The following CEP83 variants were observed in gnomAD, a reference collection of about 807,000 sequenced individuals.
CEP83 encodes the protein centrosomal protein of 83 kDa.
A neutral mutation model predicts 101.9 loss-of-function variants in CEP83; 70 were observed. That is an observed-to-expected ratio of 0.69 (90% confidence interval 0.57 to 0.84). The LOEUF is 0.84. Among genes scored for constraint, CEP83 ranks in the 40% least tolerant of loss-of-function variants. CEP83 has a pLI of 0.00. For missense variants in CEP83, 715 were observed against 787.2 expected, an observed-to-expected ratio of 0.91 and a Z score of 1.10; for synonymous variants, 264 against 267.9, an observed-to-expected ratio of 0.99 and a Z score of 0.14.
chr12:94,283,778 CT>C, the CEP83 span, among the ~76,000 whole-genome samples: 1 of 152,150 alleles, frequency 6.6e-6, no homozygotes, highest in South Asian at 2.1e-4. Flanking sequence ...GTGGTACCAG[CT>C]GATCCATCAA....
At chr12:94,447,551 C>G (rs1566237779) in intron 1 of CEP83, among the ~76,000 whole-genome samples, 1 of 152,138 alleles carries the variant, frequency 6.6e-6, no homozygotes, top group Admixed American at 6.5e-5. Context: ...TCATTGGAAA[C>G]TGTAATTACA....
downstream of CEP83, chr12:94,306,135 G>A (rs1335331866): frequency 6.6e-6 from 1 of 151,974 alleles, no homozygotes; most frequent in Non-Finnish European, 1.5e-5. Context: ...AGAACGATCT[G>A]TGGAAGAGTA....
intron 1 of CEP83, among the ~76,000 whole-genome samples, chr12:94,450,882 A>C (rs1426269926): frequency 6.6e-6 from 1 of 152,212 alleles, no homozygotes; most frequent in African/African-American, 2.4e-5. Flanking sequence ...GGAAATGGAA[A>C]GAGCATAGAA....
the CEP83 span, among the ~76,000 whole-genome samples, chr12:94,291,332 C>G: frequency 2.1e-3 from 318 of 152,330 alleles, 1 homozygote; most frequent in African/African-American, 7.4e-3. Context: ...ACCTCCCACG[C>G]TCAAGCCATC....
intron 1 of CEP83, among the ~76,000 whole-genome samples, chr12:94,435,620 C>G (rs2065930144): frequency 7.2e-5 from 11 of 152,220 alleles, no homozygotes; most frequent in Admixed American, 7.2e-4. Context: ...AAGATTATAT[C>G]CCCCTTCTAC....
At chr12:94,329,800 A>C (rs1258057642) in intron 14 of CEP83, among the ~76,000 whole-genome samples, 1 of 152,258 alleles carries the variant, frequency 6.6e-6, no homozygotes, top group East Asian at 1.9e-4. Context: ...ACAGAAAGGA[A>C]GAAAAGTGAC....
the CEP83 span, among the ~76,000 whole-genome samples, chr12:94,275,356 G>A: frequency 1.4e-4 from 22 of 152,354 alleles, no homozygotes; most frequent in African/African-American, 4.8e-4. Flanking sequence ...GAGTGTGGGA[G>A]CCGGAGAGAT....
chr12:94,349,734 A>G (rs920613410), intron 11 of CEP83, among the ~76,000 whole-genome samples: 1 of 152,236 alleles, frequency 6.6e-6, no homozygotes, highest in African/African-American at 2.4e-5. Flanking sequence ...CACTTTTGCC[A>G]CTTCCATTTG....
At chr12:94,321,809 G>A (rs1016509392) in intron 14 of CEP83, among the ~76,000 whole-genome samples, 9 of 152,078 alleles carry the variant, frequency 5.9e-5, no homozygotes, top group African/African-American at 2.2e-4. Flanking sequence ...GCTACTGGCT[G>A]GATGGCCCTG....
chr12:94,356,991 C>G (rs1295676436), intron 11 of CEP83, among the ~76,000 whole-genome samples: 1 of 152,154 alleles, frequency 6.6e-6, no homozygotes, highest in Non-Finnish European at 1.5e-5. Flanking sequence ...AAAAAAATCA[C>G]TTAATGTGGG....
In CEP83 at chr12:94,376,602, A is replaced by C. The variant is rs150743513; in HGVS notation, c.802-585T>G. Among the ~76,000 whole-genome samples the C allele has an allele frequency of 7.3e-5, 11 of 150,970 alleles. No homozygotes were observed. In the East Asian group the frequency reaches 2.2e-3, roughly 30 times the overall value. On this transcript the variant is annotated intron_variant, in intron 7 of 16. Transcript: ENST00000397809. Reference sequence around the variant, plus strand: ...GTTGTCAAAAAAGTTTCTGGATGGTAATATCGATAGTACTCTTTCATGAGG... The same window carrying C: ...GTTGTCAAAAAAGTTTCTGGATGGTCATATCGATAGTACTCTTTCATGAGG...
At chr12:94,384,329 G>A (rs899221692) in intron 6 of CEP83, among the ~76,000 whole-genome samples, 1 of 151,920 alleles carries the variant, frequency 6.6e-6, no homozygotes, top group Non-Finnish European at 1.5e-5. Flanking sequence ...TTCCCCAATG[G>A]GTAAGATATA....
intron 1 of CEP83, among the ~76,000 whole-genome samples, chr12:94,458,282 C>G (rs1201677773): frequency 6.6e-6 from 1 of 152,018 alleles, no homozygotes; most frequent in Non-Finnish European, 1.5e-5. Flanking sequence ...TTGTATTTCA[C>G]TATTATTTGA....
intron 11 of CEP83, among the ~76,000 whole-genome samples, chr12:94,345,613 T>G (rs2059899709): frequency 6.6e-6 from 1 of 152,152 alleles, no homozygotes; most frequent in South Asian, 2.1e-4. Flanking sequence ...TCCCCCATCT[T>G]TCTGTCTTGG....
At chr12:94,324,074 G>A (rs1370391449) in intron 14 of CEP83, among the ~76,000 whole-genome samples, 1 of 152,126 alleles carries the variant, frequency 6.6e-6, no homozygotes, top group Non-Finnish European at 1.5e-5. Flanking sequence ...ACTAAATTCA[G>A]TTTGCTAATA....
chr12:94,439,389 C>T (rs1403831674), intron 1 of CEP83, among the ~76,000 whole-genome samples: 1 of 151,916 alleles, frequency 6.6e-6, no homozygotes, highest in East Asian at 1.9e-4. Flanking sequence ...TTTTGTATGG[C>T]TACTATGAAC....
the CEP83 span, among the ~76,000 whole-genome samples, chr12:94,289,851 C>T: frequency 6.6e-6 from 1 of 151,806 alleles, no homozygotes; most frequent in Non-Finnish European, 1.5e-5. Context: ...CATACGCGCT[C>T]ACACACACAC....
intron 11 of CEP83, among the ~76,000 whole-genome samples, chr12:94,357,375 G>A (rs970540088): frequency 1.2e-4 from 19 of 152,084 alleles, no homozygotes; most frequent in Non-Finnish European, 2.2e-4. Flanking sequence ...AAAAATCAGC[G>A]AGTCAGGCCA....
At chr12:94,293,157 G>A in the CEP83 span, among the ~76,000 whole-genome samples, 8 of 152,122 alleles carry the variant, frequency 5.3e-5, no homozygotes, top group African/African-American at 1.7e-4. Context: ...CCCATGTGGC[G>A]TGTAACAGTA....
Sources: gnomAD v4.1 joint callset for allele counts (sites outside exome capture counted in the v4.1 genomes callset) on GRCh38, gnomAD v4.1.1 for gene constraint, MANE v1.5 for transcripts, NCBI Gene and HGNC (gene_info 2026-07-23, HGNC 2026-07-21) for gene names.